ANXA4: variants seen among roughly 807,000 people sequenced by gnomAD.
ANXA4 encodes the protein annexin A4, also known as 35-beta calcimedin.
A neutral mutation model predicts 49.8 loss-of-function variants in ANXA4; 39 were observed. That is an observed-to-expected ratio of 0.78 (90% CI 0.61 to 1.02). The LOEUF (loss-of-function observed/expected upper bound fraction) is 1.02, where lower values mean the gene tolerates loss of function less well. ANXA4 is among the 50% of genes least tolerant of loss of function. ANXA4 has a pLI of 0.00. For synonymous variants in ANXA4, 134 were observed against 152.5 expected, an observed-to-expected ratio of 0.88 and a Z score of 0.89; for missense variants, 360 against 410.1, an observed-to-expected ratio of 0.88 and a Z score of 1.05.
chr2:69,764,493 G>A lies in ANXA4; in HGVS notation c.-46-17027G>A, dbSNP rs1030223214. 5.3e-5 allele frequency among the ~76,000 whole-genome samples: 8 copies of A among 152,112 alleles called. No homozygotes were observed. The South Asian group carries it at 6.2e-4, about 12-fold the overall frequency. ...GTTTGGACTTTGCCTTAGAGTGGGC[G>A]TTGCTAAGTGATGGATAACAGCAGC... On this transcript the variant is annotated intron_variant, in intron 1 of 12. Transcript: ENST00000394295.
At chr2:69,713,746 A>G (rs1381922920) in intron 2 of ANXA4, 1 of 152,164 alleles carries the variant, frequency 6.6e-6, no homozygotes, top group Non-Finnish European at 1.5e-5. Flanking sequence ...TGCTGCCCTG[A>G]AGGCATCACC....
At chr2:69,649,428 A>T (rs544970097) in intron 1 of ANXA4, among the ~76,000 whole-genome samples, 121 of 150,788 alleles carry the variant, frequency 8.0e-4, no homozygotes, top group Middle Eastern at 3.4e-3. Flanking sequence ...TTTATATTTT[A>T]TTTTTTTCAT....
chr2:69,648,526 A>G lies in ANXA4; in HGVS notation n.481+3621A>G, dbSNP rs574203191. ...CTTGTAAGAACCATGTCCTTTTTAA[A>G]AAAATGACAGTTCTTGCCCAGGCAT... On this transcript the variant is annotated intron_variant and non_coding_transcript_variant, in intron 1 of 3. Coordinates refer to the ANXA4 transcript ENST00000418066. 1.1e-4 allele frequency among the ~76,000 whole-genome samples: 17 copies of G among 152,332 alleles called. 1 individual carries two copies. In the South Asian group the frequency reaches 3.1e-3, roughly 28 times the overall value.
At chr2:69,693,034 T>G (rs1424958206) in intron 2 of ANXA4, among the ~76,000 whole-genome samples, 3 of 152,210 alleles carry the variant, frequency 2.0e-5, no homozygotes, top group Non-Finnish European at 4.4e-5. Context: ...ATGCCCAATT[T>G]AGGAAACACT....
At chr2:69,675,319 A>G (rs868760990) in intron 2 of ANXA4, among the ~76,000 whole-genome samples, 35 of 152,342 alleles carry the variant, frequency 2.3e-4, no homozygotes, top group African/African-American at 8.4e-4. Context: ...CTGTTATTTC[A>G]CTTACGTATA....
chr2:69,651,823 G>C (rs1235517189), intron 1 of ANXA4, among the ~76,000 whole-genome samples: 10 of 52,174 alleles, frequency 1.9e-4, no homozygotes, highest in South Asian at 1.6e-3. Flanking sequence ...TTTTTGGGGG[G>C]GGGGGGCGGG....
chr2:69,779,299 C>T (rs779466731), intron 1 of ANXA4, among the ~76,000 whole-genome samples: 8 of 151,996 alleles, frequency 5.3e-5, no homozygotes, highest in African/African-American at 1.2e-4. Context: ...ATAAATGTGT[C>T]GTCTATCTCT....
intron 1 of ANXA4, among the ~76,000 whole-genome samples, chr2:69,754,749 T>C (rs756087347): frequency 3.3e-5 from 5 of 152,166 alleles, no homozygotes; most frequent in Admixed American, 1.3e-4. Flanking sequence ...TATAATAGGA[T>C]TTTATCATGT....
intron 2 of ANXA4, among the ~76,000 whole-genome samples, chr2:69,786,837 TCAG>T (rs1420521131): frequency 6.6e-6 from 1 of 152,146 alleles, no homozygotes; most frequent in Non-Finnish European, 1.5e-5. Flanking sequence ...TCCTCCCACC[TCAG>T]CTTCCTGAGT....
At chr2:69,733,898 C>T (rs886327550) in intron 3 of ANXA4, among the ~76,000 whole-genome samples, 16 of 151,528 alleles carry the variant, frequency 1.1e-4, no homozygotes, top group African/African-American at 3.4e-4. Flanking sequence ...GCTTACTCAT[C>T]CTTGAAGGTT....
At chr2:69,649,842 G>A (rs1676161848) in intron 1 of ANXA4, among the ~76,000 whole-genome samples, 1 of 148,164 alleles carries the variant, frequency 6.7e-6, no homozygotes, top group South Asian at 2.1e-4. Context: ...GGCTGGTCTT[G>A]GACTCCTGAA....
intron 1 of ANXA4, among the ~76,000 whole-genome samples, chr2:69,770,879 A>G (rs1671680558): frequency 6.6e-6 from 1 of 151,744 alleles, no homozygotes; most frequent in South Asian, 2.1e-4. Context: ...GCTTGAGCCT[A>G]GGCATTCAAG....
intron 2 of ANXA4, among the ~76,000 whole-genome samples, chr2:69,671,373 A>G (rs1677179947): frequency 6.6e-6 from 1 of 152,210 alleles, no homozygotes; most frequent in African/African-American, 2.4e-5. Context: ...ATAAGAAACA[A>G]CACAAGAGAA....
chr2:69,647,113 G>A lies in ANXA4; in HGVS notation n.481+2208G>A, dbSNP rs150622678. ...CGCTTTGTGAATAATCAAAGCTCCT[G>A]TAACTTAAGTGTGTATTCTTAGCCA... On this transcript the variant is annotated intron_variant and non_coding_transcript_variant, in intron 1 of 3. Transcript: ENST00000418066. 5.5e-3 allele frequency among the ~76,000 whole-genome samples: 834 copies of A among 152,290 alleles called. 3 individuals are homozygous for A. The highest frequency in any genetic ancestry group is 8.9e-3 in the Admixed American group (136 of 15,300).
At chr2:69,654,108 T>C (rs1018961781) in intron 2 of ANXA4, among the ~76,000 whole-genome samples, 2 of 152,224 alleles carry the variant, frequency 1.3e-5, no homozygotes, top group Admixed American at 1.3e-4. Context: ...TGTATAGGAA[T>C]GCTTGTGATT....
At chr2:69,680,634 TG>T (rs1238291442) in intron 2 of ANXA4, among the ~76,000 whole-genome samples, 6 of 152,166 alleles carry the variant, frequency 3.9e-5, no homozygotes, top group African/African-American at 1.4e-4. Flanking sequence ...ATGTTAGCTG[TG>T]GGTTTGTCCT....
At chr2:69,732,226 C>T (rs1320551890) in intron 3 of ANXA4, among the ~76,000 whole-genome samples, 1 of 151,462 alleles carries the variant, frequency 6.6e-6, no homozygotes, top group East Asian at 2.0e-4. Context: ...ATCCGGCCGC[C>T]TCGGCCTCCC....
chr2:69,762,610 T>C (rs1671339059), intron 1 of ANXA4, among the ~76,000 whole-genome samples: 1 of 152,140 alleles, frequency 6.6e-6, no homozygotes. Flanking sequence ...TTTATGTATA[T>C]TAAAAATATA....
At chr2:69,791,560 G>GT (rs1277556737) in intron 3 of ANXA4, among the ~76,000 whole-genome samples, 1 of 152,134 alleles carries the variant, frequency 6.6e-6, no homozygotes, top group African/African-American at 2.4e-5. Context: ...CTTAAGACAA[G>GT]TTTTTTTGAC....
Sources: allele counts gnomAD v4.1 joint callset (sites outside exome capture counted in the v4.1 genomes callset), GRCh38; gene constraint gnomAD v4.1.1; transcripts MANE v1.5; gene names NCBI Gene and HGNC (gene_info 2026-07-23, HGNC 2026-07-21).